The following LIMK1 variants were observed in gnomAD, a reference collection of about 807,000 sequenced individuals.
The protein encoded by LIMK1 is LIM domain kinase 1.
In LIMK1, 21 loss-of-function variants were observed where a neutral mutation model predicts 77.6. The observed-to-expected ratio is 0.27, with a 90% CI of 0.19 to 0.39. The LOEUF is 0.39. Among genes scored for constraint, LIMK1 ranks in the 10% least tolerant of loss-of-function variants. LIMK1 has a pLI of 1.00. For synonymous variants in LIMK1, 358 were observed against 370.0 expected (o/e 0.97, Z 0.37); for missense variants, 696 against 901.6 (o/e 0.77, Z 2.92).
At position 74,115,977 on chromosome 7, in the gene LIMK1, C is replaced by T. The variant is rs782679342; in HGVS notation, c.1567+19C>T. On this transcript the variant is annotated intron_variant, in intron 13 of 15. Coordinates refer to ENST00000336180, the MANE Select transcript of LIMK1 (RefSeq NM_002314.4). ...ATCAACGGTGAGTGGTTCAGCCCTG[C>T]CCATCATGGCCCTCACGGGAAGCCA... The T allele has an allele frequency of 1.2e-6, 2 of 1,602,960 alleles. No homozygotes were observed. The highest frequency in any genetic ancestry group is 2.2e-5 in the South Asian group (2 of 90,706).
intron 13 of LIMK1, 139 bp downstream of exon 13, chr7:74,116,097 AAC>A: frequency 1.1e-6 from 1 of 895,224 alleles, no homozygotes; most frequent in Non-Finnish European, 1.7e-6. Flanking sequence ...TTGCTCCTAT[AAC>A]ACACTTAGTG....
chr7:74,084,137 G>A, intron 1 of LIMK1, 92 bp downstream of exon 1: 1 of 587,514 alleles, frequency 1.7e-6, no homozygotes, highest in Non-Finnish European at 2.8e-6. Flanking sequence ...CCAGGAGGCC[G>A]CGCCCCTGCC....
Position 74,106,066 on chromosome 7 carries a change from G to C in LIMK1, c.715-11G>C. 40 of 1,613,918 alleles carry C rather than the reference G, an allele frequency of 2.5e-5. No individual in the cohort carries two copies. The highest frequency in any genetic ancestry group is 3.4e-5 in the Non-Finnish European group (40 of 1,179,960). On this transcript the variant is annotated splice_polypyrimidine_tract_variant and intron_variant, in intron 6 of 15. Transcript: ENST00000336180. ...CCACTCCACCCCCATTCACATGCCT[G>C]CTGTCCCCAGATTGACCTGCTGATT...
In LIMK1 at chr7:74,107,967, C is replaced by T. The variant is rs554361782; in HGVS notation, c.1152+10C>T. 1.5e-5 allele frequency: 23 copies of T among 1,551,378 alleles called. No homozygotes were observed. In the East Asian group the frequency reaches 2.2e-4, roughly 15 times the overall value. ...GACGTTCCTCAAGGAGGTCAGTGAG[C>T]GGAATGCCCTCTTCCCTCCAGAGGG... On this transcript the variant is annotated intron_variant, in intron 9 of 15. Coordinates refer to ENST00000336180, the MANE Select transcript of LIMK1 (RefSeq NM_002314.4).
intron 2 of LIMK1, among the ~76,000 whole-genome samples, chr7:74,095,962 C>CTTTTTGTTTT (rs1563914362): frequency 2.6e-5 from 3 of 116,768 alleles, no homozygotes; most frequent in African/African-American, 1.3e-4. Context: ...CTCTATTTTT[C>CTTTTTGTTTT]TTTTTCTTTT....
At position 74,099,018 on chromosome 7, in the gene LIMK1, G is replaced by C. The variant is rs1554696084; in HGVS notation, c.402-14G>C. The C allele has an allele frequency of 6.3e-7, 1 of 1,597,924 alleles. No individual in the cohort carries two copies. Among genetic ancestry groups the C allele is most frequent in the East Asian group, 2.2e-5 (1 of 44,548 alleles). ...CTTGACACTCTTTTCTTCCCACCCCGGCGGCTCTTGCAGCGGGCACTGCTA... is the reference window on the plus strand; with the variant it reads ...CTTGACACTCTTTTCTTCCCACCCCCGCGGCTCTTGCAGCGGGCACTGCTA... On this transcript the variant is annotated splice_polypyrimidine_tract_variant and intron_variant, in intron 4 of 15. Transcript: ENST00000336180.
At chr7:74,117,823 A>G (rs376903269) in intron 13 of LIMK1, among the ~76,000 whole-genome samples, 56 of 152,090 alleles carry the variant, frequency 3.7e-4, no homozygotes, top group Admixed American at 1.2e-3. Context: ...AAAACAAAAA[A>G]TAGGCCAGGC....
chr7:74,108,146 T>G (rs1030513570), intron 9 of LIMK1, among the ~76,000 whole-genome samples, 189 bp downstream of exon 9: 2 of 151,338 alleles, frequency 1.3e-5, no homozygotes, highest in Non-Finnish European at 2.9e-5. Context: ...GAGACCAACC[T>G]GGGCAACATA....
At chr7:74,095,287 C>G (rs140275328) in intron 2 of LIMK1, among the ~76,000 whole-genome samples, 73 of 152,252 alleles carry the variant, frequency 4.8e-4, no homozygotes, top group Non-Finnish European at 7.8e-4. Flanking sequence ...AGTGGCAGAG[C>G]GGGACGGACC....
intron 2 of LIMK1, chr7:74,093,234 A>G: frequency 6.5e-7 from 1 of 1,535,698 alleles, no homozygotes; most frequent in Non-Finnish European, 8.7e-7. Context: ...CAGAGCCCCC[A>G]GTGTAGCCAC....
chr7:74,095,968 C>CTTTTTTTTTTTTTTTTTTTTTTTTT lies in LIMK1; in HGVS notation c.153-640_153-639insTTTTTTTTTTTTTTTTTTTTTTTTT, dbSNP rs869065672. Among the ~76,000 whole-genome samples, 21 of 127,224 alleles carry CTTTTTTTTTTTTTTTTTTTTTTTTT rather than the reference C, an allele frequency of 1.7e-4. 1 individual carries two copies. The highest frequency in any genetic ancestry group is 5.3e-4 in the African/African-American group (16 of 30,226). The allele number at this position is 127,224 out of a possible 152,430, so 83.5% of individuals were successfully genotyped here. On this transcript the variant is annotated intron_variant, in intron 2 of 15. Coordinates refer to ENST00000336180, the MANE Select transcript of LIMK1 (RefSeq NM_002314.4). Reference sequence around the variant, plus strand: ...GGGATTCTCCTCTATTTTTCTTTTTCTTTTTTTTTTTTTTGGAGACAGAGT... The same window carrying CTTTTTTTTTTTTTTTTTTTTTTTTT: ...GGGATTCTCCTCTATTTTTCTTTTTCTTTTTTTTTTTTTTTTTTTTTTTTTTTTTTTTTTTTTTTGGAGACAGAGT...
At chr7:74,100,862 A>G (rs1799445067) in intron 5 of LIMK1, among the ~76,000 whole-genome samples, 1 of 151,572 alleles carries the variant, frequency 6.6e-6, no homozygotes, top group Non-Finnish European at 1.5e-5. Context: ...CAGCCTCCCG[A>G]GTAGCTGGGA....
chr7:74,104,567 A>G (rs564091289), intron 5 of LIMK1, among the ~76,000 whole-genome samples: 166 of 151,938 alleles, frequency 1.1e-3, no homozygotes, highest in African/African-American at 3.8e-3. Context: ...GGAAGTTGCA[A>G]TGAGCCGAGA....
chr7:74,105,887 C>T lies in LIMK1; in HGVS notation c.621C>T (p.Gly207=). The part of the protein sequence containing the change: ...HTVRVQGVDP[G]CMSPDVKNSI... Reference sequence around the variant, plus strand: ...GCCTTACCCACAGAGTGGATCCGGGCTGCATGAGCCCAGATGTGAAGAATT... The same window carrying T: ...GCCTTACCCACAGAGTGGATCCGGGTTGCATGAGCCCAGATGTGAAGAATT... The change falls in exon 6 of 16, where the codon GGC becomes GGT. Residue 207 remains glycine, a synonymous_variant. Transcript: ENST00000336180. 1 of 1,613,644 alleles carries T rather than the reference C, an allele frequency of 6.2e-7. No individual in the cohort carries two copies. Among genetic ancestry groups the T allele is most frequent in the South Asian group, 1.1e-5 (1 of 91,040 alleles).
intron 2 of LIMK1, among the ~76,000 whole-genome samples, chr7:74,091,401 C>T (rs904945645): frequency 6.6e-6 from 1 of 152,110 alleles, no homozygotes; most frequent in Non-Finnish European, 1.5e-5. Flanking sequence ...CCTGTAGTCC[C>T]AGCTACTCAG....
chr7:74,084,710 C>T (rs1799099375), intron 1 of LIMK1, among the ~76,000 whole-genome samples: 1 of 152,170 alleles, frequency 6.6e-6, no homozygotes, highest in Admixed American at 6.5e-5. Flanking sequence ...TCTTTAGCCC[C>T]TTCTCCCTCA....
chr7:74,096,685 CAAG>C lies in LIMK1; in HGVS notation c.220_222del (p.Lys74del). ...ATGAGAAGGATGGGCAGCTCTTCTG[CAAG>C]AAGGACTACTGGGCCCGCTATGGCG... On this transcript the variant is annotated inframe_deletion, in exon 3 of 16. Transcript: ENST00000336180. 1 of 1,614,060 alleles carries C rather than the reference CAAG, an allele frequency of 6.2e-7. No individual in the cohort carries two copies. The highest frequency in any genetic ancestry group is 8.5e-7 in the Non-Finnish European group (1 of 1,180,004).
At chr7:74,117,163 G>A (rs983913295) in intron 13 of LIMK1, among the ~76,000 whole-genome samples, 1 of 152,130 alleles carries the variant, frequency 6.6e-6, no homozygotes, top group Non-Finnish European at 1.5e-5. Flanking sequence ...TTACAGGCGT[G>A]AGCCACCGCG....
intron 5 of LIMK1, among the ~76,000 whole-genome samples, chr7:74,101,129 G>A (rs527675237): frequency 6.6e-6 from 1 of 152,352 alleles, no homozygotes; most frequent in Admixed American, 6.5e-5. Context: ...AGATGTGAAG[G>A]TGGCCCTGGG....
Sources: gnomAD v4.1 joint callset for allele counts (sites outside exome capture counted in the v4.1 genomes callset) on GRCh38, gnomAD v4.1.1 for gene constraint, MANE v1.5 for transcripts, NCBI Gene and HGNC (gene_info 2026-07-23, HGNC 2026-07-21) for gene names.